Variants in ANKMY1 observed in about 807,000 individuals in gnomAD.
ANKMY1 encodes ankyrin repeat and MYND domain containing 1, also known as ankyrin repeat and MYND domain-containing protein 1.
ANKMY1 carries 98 observed loss-of-function variants against 102.0 expected under a neutral mutation model. The ratio of observed to expected loss-of-function variants is 0.96; its 90% CI spans 0.82 to 1.14. The LOEUF is 1.14. ANKMY1 is among the 50% of genes most tolerant of loss of function. The probability of loss-of-function intolerance (pLI) is 0.00; values close to 1 mark genes in which losing one functional copy is unlikely to be tolerated. For synonymous variants in ANKMY1, 582 were observed against 559.9 expected, an observed-to-expected ratio of 1.04 and a Z score of -0.56; for missense variants, 1,330 against 1,347.6, an observed-to-expected ratio of 0.99 and a Z score of 0.20.
At chr2:240,477,241 A>C (rs1364373975), downstream of ANKMY1, among the ~76,000 whole-genome samples, 1 of 152,146 alleles carries the variant, frequency 6.6e-6, no homozygotes, top group African/African-American at 2.4e-5. Flanking sequence ...GCTTGAACCC[A>C]GGAGGCAGAG....
At chr2:240,557,424 C>G (rs12465325) in intron 1 of ANKMY1, 72 bp from the exon 2 acceptor site, 108,599 of 1,393,950 alleles carry the variant, frequency 0.078, 4,765 homozygotes, top group Middle Eastern at 0.18. Context: ...GCCCGAGGCC[C>G]GGCCCGCGGC....
In ANKMY1 at chr2:240,506,327, C is replaced by T. The variant is rs775471945; in HGVS notation, c.2526+1233G>A. 1.5e-4 allele frequency among the ~76,000 whole-genome samples: 23 copies of T among 152,158 alleles called. No homozygotes were observed. The highest frequency in any genetic ancestry group is 2.1e-4 in the Non-Finnish European group (14 of 68,034). ...ATCAATCCTGGGCCCTATGAAGCTC[C>T]GAAAGAACATTAGGGGGCCCCTCCC... On this transcript the variant is annotated intron_variant, in intron 13 of 17. Coordinates refer to ENST00000401804, the MANE Select transcript of ANKMY1 (RefSeq NM_001282771.3). This position sits in a 1 kb window ranked among gnomAD's most constrained non-coding sequence, Gnocchi z 4.9.
chr2:240,476,402 C>T (rs966910800), downstream of ANKMY1, among the ~76,000 whole-genome samples: 1 of 152,202 alleles, frequency 6.6e-6, no homozygotes, highest in Non-Finnish European at 1.5e-5. Flanking sequence ...TCAAAAGATG[C>T]CAACTGTCTG....
At chr2:240,508,689 C>A (rs2079532006) in intron 12 of ANKMY1, among the ~76,000 whole-genome samples, 1 of 152,172 alleles carries the variant, frequency 6.6e-6, no homozygotes, top group Non-Finnish European at 1.5e-5. Context: ...TAATTCAACA[C>A]CTAGTGCCTA....
rs571607379 is a variant in ANKMY1, at chr2:240,542,648, C to T, written c.480+10266G>A. ...CTGGTGAGTTTGTATTGCTATCTCA[C>T]GGAGTTCCAAGGTAAGAGCTATTGA... is the stretch of plus-strand genomic sequence containing the variant. On this transcript the variant is annotated intron_variant, in intron 4 of 17. Transcript: ENST00000401804. Among the ~76,000 whole-genome samples the T allele has an allele frequency of 5.1e-3, 782 of 151,906 alleles. 3 individuals are homozygous for T. Among genetic ancestry groups the T allele is most frequent in the Non-Finnish European group, 8.3e-3 (562 of 67,976 alleles).
rs116600888 is a variant in ANKMY1, at chr2:240,499,917, G to A, written c.2806+41C>T. 8.7e-4 allele frequency: 1,369 copies of A among 1,568,700 alleles called. 10 individuals carry two copies. The African/African-American group carries it at 0.015, about 18-fold the overall frequency. The stretch of plus-strand genomic sequence containing the variant: ...ACAGCCCCAGGCACGAGGCCGGAAC[G>A]CCGCCCTGTGGAGCAGAGCAGAGCA... On this transcript the variant is annotated intron_variant, in intron 15 of 17. Transcript: ENST00000401804. This position sits in a 1 kb window ranked among gnomAD's most constrained non-coding sequence, Gnocchi z 4.2.
the ANKMY1 span, among the ~76,000 whole-genome samples, chr2:240,469,820 GCA>G: frequency 6.6e-6 from 1 of 151,232 alleles, no homozygotes; most frequent in Non-Finnish European, 1.5e-5. Context: ...GTACACACAT[GCA>G]CACACATAGG....
chr2:240,473,951 C>T, the ANKMY1 span, among the ~76,000 whole-genome samples: 10 of 152,152 alleles, frequency 6.6e-5, no homozygotes, highest in Non-Finnish European at 1.0e-4. Context: ...TCTAAGATCA[C>T]GAACAAGACA....
chr2:240,495,391 A>C (rs1047463736), intron 15 of ANKMY1, among the ~76,000 whole-genome samples: 5 of 152,200 alleles, frequency 3.3e-5, no homozygotes, highest in Admixed American at 6.5e-5. Context: ...TTCAGTGGTC[A>C]CGCTCCTGGT....
chr2:240,540,789 T>C (rs1478616812), intron 4 of ANKMY1, among the ~76,000 whole-genome samples: 4 of 152,190 alleles, frequency 2.6e-5, no homozygotes, highest in Non-Finnish European at 5.9e-5. Context: ...ATAACAGATT[T>C]TGGTTCCCTG....
intron 15 of ANKMY1, among the ~76,000 whole-genome samples, chr2:240,492,799 T>C (rs1442740946): frequency 6.6e-6 from 1 of 152,098 alleles, no homozygotes; most frequent in Admixed American, 6.5e-5. Flanking sequence ...CAAGCAATTC[T>C]CCTGCCTCAG....
chr2:240,549,602 C>T (rs1203703005), intron 4 of ANKMY1, among the ~76,000 whole-genome samples: 4 of 152,118 alleles, frequency 2.6e-5, no homozygotes, highest in Non-Finnish European at 5.9e-5. Context: ...AGAAAATTTT[C>T]ACAACCTACT....
At chr2:240,500,144 C>T (rs757002278) in intron 14 of ANKMY1, 21 bp from the exon 15 acceptor site, 3 of 1,572,398 alleles carry the variant, frequency 1.9e-6, no homozygotes, top group Non-Finnish European at 2.6e-6. Context: ...GCACCAGGGT[C>T]ACCACAGGGT....
chr2:240,492,936 T>G (rs992105040), intron 15 of ANKMY1, among the ~76,000 whole-genome samples: 19 of 152,172 alleles, frequency 1.2e-4, no homozygotes, highest in Admixed American at 1.0e-3. Flanking sequence ...GTGATCTGCC[T>G]GCCTCAGCCT....
chr2:240,479,582 C>T lies in ANKMY1; in HGVS notation c.*27G>A, dbSNP rs747336295. The T allele has an allele frequency of 1.6e-5, 26 of 1,613,644 alleles. No individual in the cohort carries two copies. The South Asian group carries it at 2.9e-4, about 18-fold the overall frequency. ...AAACCCACACAGTCCTGGGTCCTCC[C>T]CAAGCCTCGGACGTGCAGCTGCTGC... On this transcript the variant is annotated 3_prime_UTR_variant, in exon 18 of 18. Transcript: ENST00000401804.
intron 4 of ANKMY1, among the ~76,000 whole-genome samples, chr2:240,544,506 C>A (rs1405051071): frequency 6.6e-6 from 1 of 152,144 alleles, no homozygotes; most frequent in Admixed American, 6.5e-5. Flanking sequence ...GGGGAGGAGC[C>A]AAGATGGCTG....
chr2:240,527,021 ATGG>A, intron 5 of ANKMY1: 1 of 983,108 alleles, frequency 1.0e-6, no homozygotes, highest in East Asian at 1.1e-4. Flanking sequence ...TGTCTGCATG[ATGG>A]ATGGATGGAT....
chr2:240,560,963 G>A (rs777744662), upstream of ANKMY1: 9 of 1,517,282 alleles, frequency 5.9e-6, no homozygotes, highest in South Asian at 6.1e-5. Flanking sequence ...AGGCCGCGGT[G>A]CGCGCCGGCG....
the ANKMY1 span, among the ~76,000 whole-genome samples, chr2:240,469,841 C>T: frequency 3.3e-5 from 5 of 152,060 alleles, no homozygotes; most frequent in South Asian, 2.1e-4. Flanking sequence ...GGTATGAACA[C>T]GTACAATGCC....
Sources: allele counts gnomAD v4.1 joint callset (sites outside exome capture counted in the v4.1 genomes callset), GRCh38; gene constraint gnomAD v4.1.1; non-coding constraint Gnocchi (gnomAD v3.1); transcripts MANE v1.5; gene names NCBI Gene and HGNC (gene_info 2026-07-23, HGNC 2026-07-21).